Variants in SPTLC3 observed in about 807,000 individuals in gnomAD.
The protein encoded by SPTLC3 is serine palmitoyltransferase 3.
A neutral mutation model predicts 59.3 loss-of-function variants in SPTLC3; 36 were observed. The observed-to-expected ratio is 0.61, with a 90% confidence interval of 0.47 to 0.80. The LOEUF (loss-of-function observed/expected upper bound fraction) is 0.80. SPTLC3 is among the 30% of genes least tolerant of loss of function. The pLI, the probability that SPTLC3 is intolerant of heterozygous loss-of-function variation, is 0.00. For missense variants in SPTLC3, 625 were observed against 685.1 expected (o/e 0.91, Z 0.98); for synonymous variants, 257 against 240.8 (o/e 1.07, Z -0.62).
intron 5 of SPTLC3, 31 bp downstream of exon 5, chr20:13,091,238 T>C (rs777857285): frequency 2.5e-6 from 4 of 1,608,242 alleles, no homozygotes; most frequent in Non-Finnish European, 3.4e-6. Flanking sequence ...TGTCTTCTAC[T>C]GTATTACTCC....
At chr20:13,147,512 C>T (rs539880280) in intron 9 of SPTLC3, among the ~76,000 whole-genome samples, 2 of 152,180 alleles carry the variant, frequency 1.3e-5, no homozygotes, top group African/African-American at 4.8e-5. Context: ...CCCCATCACC[C>T]TCTGCCCCCT....
chr20:13,052,112 G>A (rs961251719), intron 2 of SPTLC3, among the ~76,000 whole-genome samples: 3 of 152,248 alleles, frequency 2.0e-5, no homozygotes, highest in East Asian at 3.9e-4. Flanking sequence ...GCTGTGCTCT[G>A]CAGCTCCCAG....
chr20:13,140,948 G>A (rs1362265616), intron 9 of SPTLC3, among the ~76,000 whole-genome samples: 1 of 152,162 alleles, frequency 6.6e-6, no homozygotes, highest in Admixed American at 6.5e-5. Context: ...CTAACCCAAT[G>A]TGGACTGGGA....
intron 9 of SPTLC3, among the ~76,000 whole-genome samples, chr20:13,148,533 G>C (rs1370885804): frequency 1.3e-5 from 2 of 152,170 alleles, no homozygotes; most frequent in African/African-American, 4.8e-5. Flanking sequence ...TGAGCACTCA[G>C]GAACTGCTGG....
chr20:13,155,762 C>T (rs1310175458), intron 10 of SPTLC3, among the ~76,000 whole-genome samples: 2 of 151,972 alleles, frequency 1.3e-5, no homozygotes, highest in African/African-American at 4.8e-5. Flanking sequence ...GGAGGTGGAG[C>T]TTGCAGTGAG....
At chr20:13,116,110 C>T (rs1321622651) in intron 7 of SPTLC3, among the ~76,000 whole-genome samples, 1 of 152,194 alleles carries the variant, frequency 6.6e-6, no homozygotes, top group Non-Finnish European at 1.5e-5. Flanking sequence ...ACAAATGCTG[C>T]ACCCAGTGAT....
At chr20:13,157,815 T>A (rs574813542) in intron 10 of SPTLC3, among the ~76,000 whole-genome samples, 1 of 152,338 alleles carries the variant, frequency 6.6e-6, no homozygotes, top group Admixed American at 6.5e-5. Flanking sequence ...GAAGTTTATA[T>A]GTAGAGACAT....
intron 1 of SPTLC3, among the ~76,000 whole-genome samples, chr20:13,025,559 C>T (rs35151801): frequency 0.021 from 3,265 of 152,174 alleles, 59 homozygotes; most frequent in Non-Finnish European, 0.031. Flanking sequence ...ATAATGCATG[C>T]AAAGCCTTAG....
chr20:13,068,660 GCCCTC>G (rs1188786466), intron 2 of SPTLC3, among the ~76,000 whole-genome samples: 4 of 151,734 alleles, frequency 2.6e-5, no homozygotes, highest in African/African-American at 7.3e-5. Flanking sequence ...AACTCAATTG[GCCCTC>G]TCAGAAACAT....
At chr20:13,137,331 T>C (rs985693526) in intron 9 of SPTLC3, among the ~76,000 whole-genome samples, 6 of 152,194 alleles carry the variant, frequency 3.9e-5, no homozygotes, top group Non-Finnish European at 7.3e-5. Context: ...ACACTGCCTT[T>C]AGCAGGGTTG....
chr20:13,084,655 T>C (rs556256073), intron 4 of SPTLC3, among the ~76,000 whole-genome samples: 3 of 152,330 alleles, frequency 2.0e-5, no homozygotes, highest in Admixed American at 6.5e-5. Flanking sequence ...GTTAAGCAGA[T>C]GGTCTGCATT....
At chr20:13,075,321 C>T (rs1988606500) in intron 4 of SPTLC3, among the ~76,000 whole-genome samples, 1 of 152,146 alleles carries the variant, frequency 6.6e-6, no homozygotes, top group South Asian at 2.1e-4. Flanking sequence ...GCAAGGTTCA[C>T]CAGGTCAGTT....
At chr20:13,021,927 T>C (rs1985908834) in intron 1 of SPTLC3, among the ~76,000 whole-genome samples, 3 of 152,186 alleles carry the variant, frequency 2.0e-5, no homozygotes, top group African/African-American at 7.2e-5. Context: ...ATGTATAAAA[T>C]AGGCATTTCC....
chr20:13,093,667 G>T, intron 6 of SPTLC3, 90 bp downstream of exon 6: 2 of 1,190,324 alleles, frequency 1.7e-6, no homozygotes, highest in South Asian at 1.4e-5. Context: ...GCTCTTCAAG[G>T]TGACAACGTA....
Position 13,044,407 on chromosome 20 carries a change from A to G in SPTLC3, c.118-4538A>G, listed in dbSNP as rs535204637. Reference sequence around the variant, plus strand: ...ATGAGCCACAGCGCCCAGCTGATACATTATATTCTTGATCAATATATCCTA... The same window carrying G: ...ATGAGCCACAGCGCCCAGCTGATACGTTATATTCTTGATCAATATATCCTA... On this transcript the variant is annotated intron_variant, in intron 1 of 11. Coordinates refer to ENST00000399002, the MANE Select transcript of SPTLC3 (RefSeq NM_018327.4). 3.0e-3 allele frequency among the ~76,000 whole-genome samples: 461 copies of G among 152,148 alleles called. 1 individual carries two copies. The highest frequency in any genetic ancestry group is 6.8e-3 in the South Asian group (33 of 4,822).
intron 4 of SPTLC3, among the ~76,000 whole-genome samples, chr20:13,084,199 C>T (rs1017442490): frequency 1.3e-5 from 2 of 152,072 alleles, no homozygotes; most frequent in Non-Finnish European, 2.9e-5. Flanking sequence ...AACCTCTCTA[C>T]GAACAAAAGA....
intron 6 of SPTLC3, among the ~76,000 whole-genome samples, chr20:13,105,237 A>C (rs1029083328): frequency 1.3e-5 from 2 of 151,424 alleles, no homozygotes; most frequent in Non-Finnish European, 2.9e-5. Flanking sequence ...TGTGATTCTA[A>C]GAGGTCGGAG....
chr20:13,034,508 C>G (rs544562377), intron 1 of SPTLC3, among the ~76,000 whole-genome samples: 12 of 152,112 alleles, frequency 7.9e-5, no homozygotes, highest in Non-Finnish European at 1.8e-4. Flanking sequence ...GATGGTGTCC[C>G]ATAATTCTTG....
chr20:13,127,486 C>T (rs577604628), intron 9 of SPTLC3, among the ~76,000 whole-genome samples: 1 of 152,300 alleles, frequency 6.6e-6, no homozygotes, highest in African/African-American at 2.4e-5. Flanking sequence ...GACCTGAAGT[C>T]CTACATTGTT....
Sources: gnomAD v4.1 joint callset for allele counts (sites outside exome capture counted in the v4.1 genomes callset) on GRCh38, gnomAD v4.1.1 for gene constraint, MANE v1.5 for transcripts, NCBI Gene and HGNC (gene_info 2026-07-23, HGNC 2026-07-21) for gene names.